Variants in CTBP1 observed in about 807,000 individuals in gnomAD.
CTBP1 encodes the protein C-terminal-binding protein 1.
In CTBP1, 11 loss-of-function variants were observed where a neutral mutation model predicts 42.1. That is an observed-to-expected ratio of 0.26 (90% CI 0.16 to 0.43). The LOEUF (loss-of-function observed/expected upper bound fraction) is 0.43. Among genes scored for constraint, CTBP1 ranks in the 20% least tolerant of loss-of-function variants. The probability of loss-of-function intolerance (pLI) is 1.00; values close to 1 mark genes in which losing one functional copy is unlikely to be tolerated. For synonymous variants in CTBP1, 324 were observed against 277.1 expected, an observed-to-expected ratio of 1.17 and a Z score of -1.68; for missense variants, 399 against 624.3, an observed-to-expected ratio of 0.64 and a Z score of 3.85.
chr4:1,239,425 C>T (rs900017), intron 2 of CTBP1, among the ~76,000 whole-genome samples: 40 of 152,240 alleles, frequency 2.6e-4, no homozygotes, highest in Non-Finnish European at 4.7e-4. Flanking sequence ...GGGAGGCGCA[C>T]GACAGAACCA....
chr4:1,216,850 G>A (rs574444186), intron 5 of CTBP1: 80 of 160,058 alleles, frequency 5.0e-4, no homozygotes, highest in Admixed American at 5.8e-4. Flanking sequence ...GCTCCTCCTC[G>A]GGGAAGGGTC....
chr4:1,246,511 T>G (rs730831), intron 1 of CTBP1, among the ~76,000 whole-genome samples: 14,605 of 152,256 alleles, frequency 0.096, 1,138 homozygotes, highest in East Asian at 0.33. Flanking sequence ...CACCTTTGAC[T>G]TGGGCACTGC....
chr4:1,213,686 C>T (rs970706661), intron 7 of CTBP1, 81 bp from the exon 8 acceptor site: 14 of 1,525,752 alleles, frequency 9.2e-6, no homozygotes, highest in Non-Finnish European at 8.8e-6. Context: ...CACTGGAACC[C>T]CCTGTGGGGG....
intron 4 of CTBP1, among the ~76,000 whole-genome samples, chr4:1,227,666 G>C (rs1198209452): frequency 6.6e-6 from 1 of 150,984 alleles, no homozygotes; most frequent in Non-Finnish European, 1.5e-5. Context: ...GTGCAGATGA[G>C]TGTGCGTGTT....
intron 3 of CTBP1, among the ~76,000 whole-genome samples, chr4:1,230,742 G>A (rs548024671): frequency 1.3e-5 from 2 of 152,250 alleles, no homozygotes; most frequent in East Asian, 1.9e-4. Flanking sequence ...AGGAGACAGC[G>A]ATCAGATTCA....
intron 1 of CTBP1, chr4:1,243,528 G>A (rs1445381906): frequency 1.0e-6 from 1 of 985,260 alleles, no homozygotes; most frequent in African/African-American, 1.7e-5. Context: ...AAACAGCCCT[G>A]GGGTAGGTCT....
intron 5 of CTBP1, chr4:1,221,859 A>C: frequency 2.4e-6 from 1 of 420,634 alleles, no homozygotes; most frequent in South Asian, 1.7e-5. Flanking sequence ...TGCATTTTTC[A>C]GAAGGAAGGA....
intron 1 of CTBP1, chr4:1,244,826 G>C: frequency 7.1e-6 from 7 of 985,446 alleles, no homozygotes; most frequent in Non-Finnish European, 8.4e-6. Context: ...TGGCTGTCCA[G>C]GCCTGGAGGC....
intron 2 of CTBP1, among the ~76,000 whole-genome samples, chr4:1,239,196 G>A (rs1321273904): frequency 3.9e-5 from 6 of 152,240 alleles, no homozygotes; most frequent in Non-Finnish European, 8.8e-5. Flanking sequence ...GCCAACTGGA[G>A]AAATAAGGGC....
At position 1,234,076 on chromosome 4, in the gene CTBP1, G is replaced by C. The variant is rs535815042; in HGVS notation, c.162+4107C>G. Among the ~76,000 whole-genome samples, 118 of 152,328 alleles carry C rather than the reference G, an allele frequency of 7.7e-4. 1 individual carries two copies. Among genetic ancestry groups the C allele is most frequent in the African/African-American group, 2.7e-3 (114 of 41,578 alleles). On this transcript the variant is annotated intron_variant, in intron 3 of 9. Transcript: ENST00000382952. ...GCAGGGAGAGGCCCTGCTCCCCTCTGTTCTGGAGCTCAATCCTTTGGCCAC... is the reference window on the plus strand; with the variant it reads ...GCAGGGAGAGGCCCTGCTCCCCTCTCTTCTGGAGCTCAATCCTTTGGCCAC...
intron 2 of CTBP1, among the ~76,000 whole-genome samples, chr4:1,241,004 G>A (rs754691758): frequency 1.2e-4 from 19 of 152,226 alleles, no homozygotes; most frequent in Non-Finnish European, 1.9e-4. Context: ...CCAGGGTTCC[G>A]TGTGGGGCTC....
intron 3 of CTBP1, chr4:1,236,110 C>G (rs1287071200): frequency 6.5e-6 from 1 of 154,918 alleles, no homozygotes; most frequent in African/African-American, 2.4e-5. Context: ...AGCCAACACC[C>G]CAGGCCAGAG....
At chr4:1,215,905 AGATG>A in intron 6 of CTBP1, 82 bp downstream of exon 6, 1 of 1,411,314 alleles carries the variant, frequency 7.1e-7, no homozygotes, top group Non-Finnish European at 9.6e-7. Context: ...GCCCAGGTGC[AGATG>A]GCTGCTGGGA....
intron 5 of CTBP1, among the ~76,000 whole-genome samples, chr4:1,219,707 T>A (rs1729527560): frequency 1.3e-5 from 2 of 152,238 alleles, no homozygotes; most frequent in African/African-American, 4.8e-5. Context: ...TTCAAGAGAA[T>A]CTGTTTTTGG....
intron 1 of CTBP1, among the ~76,000 whole-genome samples, chr4:1,246,154 A>G (rs971078004): frequency 6.6e-6 from 1 of 152,094 alleles, no homozygotes; most frequent in Admixed American, 6.5e-5. Flanking sequence ...AGTGCGGGGG[A>G]GAGCAGTGGG....
intron 7 of CTBP1, 114 bp downstream of exon 7, chr4:1,214,229 G>A (rs947877955): frequency 9.1e-6 from 12 of 1,320,314 alleles, no homozygotes; most frequent in East Asian, 6.0e-5. Context: ...GCTGGCCAGC[G>A]AGAGGCCTGA....
intron 3 of CTBP1, among the ~76,000 whole-genome samples, chr4:1,234,123 G>C (rs1577060198): frequency 1.3e-5 from 2 of 152,304 alleles, no homozygotes; most frequent in East Asian, 3.9e-4. Context: ...AGAAAGCGTG[G>C]GCAGCCAAGT....
intron 3 of CTBP1, among the ~76,000 whole-genome samples, chr4:1,231,811 C>G (rs150857386): frequency 3.9e-5 from 6 of 152,342 alleles, no homozygotes; most frequent in Non-Finnish European, 8.8e-5. Flanking sequence ...CCATCGAGAC[C>G]GGCACGGCCG....
chr4:1,226,423 G>A (rs764947022), intron 4 of CTBP1, among the ~76,000 whole-genome samples: 46 of 152,236 alleles, frequency 3.0e-4, no homozygotes, highest in Non-Finnish European at 5.7e-4. Context: ...GTGTGGTTCC[G>A]CAAGGGGTCC....
Sources: gnomAD v4.1 joint callset for allele counts (sites outside exome capture counted in the v4.1 genomes callset) on GRCh38, gnomAD v4.1.1 for gene constraint, MANE v1.5 for transcripts, NCBI Gene and HGNC (gene_info 2026-07-23, HGNC 2026-07-21) for gene names.